The following CDH4 variants were observed in gnomAD, a reference collection of about 807,000 sequenced individuals.
CDH4 encodes cadherin-4.
CDH4 carries 33 observed loss-of-function variants against 86.0 expected under a neutral mutation model. That is an observed-to-expected ratio of 0.38 (90% CI 0.29 to 0.51). The LOEUF (loss-of-function observed/expected upper bound fraction) is 0.51, where lower values mean the gene tolerates loss of function less well. Ranked by LOEUF, CDH4 falls within the 20% of genes least tolerant of loss-of-function variation. The pLI is 0.86. For missense variants in CDH4, 1,114 were observed against 1,307.4 expected (o/e 0.85, Z 2.28); for synonymous variants, 555 against 549.4 (o/e 1.01, Z -0.14).
chr20:61,599,158 G>T (rs2086579082), intron 2 of CDH4, among the ~76,000 whole-genome samples: 1 of 152,138 alleles, frequency 6.6e-6, no homozygotes, highest in Admixed American at 6.5e-5. Context: ...GCCCCTAGAG[G>T]TCGCTCTTGG....
At chr20:61,647,811 G>C (rs901535094) in intron 2 of CDH4, among the ~76,000 whole-genome samples, 2 of 152,170 alleles carry the variant, frequency 1.3e-5, no homozygotes, top group Non-Finnish European at 1.5e-5. Context: ...GCTTAGGACA[G>C]TACAGCAATG....
chr20:61,488,116 G>C (rs566192756), intron 2 of CDH4, among the ~76,000 whole-genome samples: 13 of 152,316 alleles, frequency 8.5e-5, no homozygotes, highest in Non-Finnish European at 1.6e-4. Flanking sequence ...ATCATGGCCA[G>C]TCTTGACCTA....
intron 2 of CDH4, among the ~76,000 whole-genome samples, chr20:61,589,534 T>C (rs1273684119): frequency 1.3e-5 from 2 of 152,180 alleles, no homozygotes; most frequent in East Asian, 3.8e-4. Flanking sequence ...ACAAGTGGCA[T>C]GCAGAAAAAC....
chr20:61,651,557 A>C (rs2087121045), intron 2 of CDH4, among the ~76,000 whole-genome samples: 1 of 151,902 alleles, frequency 6.6e-6, no homozygotes. Flanking sequence ...TGTGGGTTGG[A>C]CTCACACCTG....
chr20:61,851,713 C>T (rs1982734079), intron 5 of CDH4, among the ~76,000 whole-genome samples: 1 of 152,190 alleles, frequency 6.6e-6, no homozygotes, highest in African/African-American at 2.4e-5. Flanking sequence ...CAGCAGCCCC[C>T]TCGCCTGCCG....
rs970611323 is a variant in CDH4 at position 61,902,464 on chromosome 20, G to A, written c.1188+7417G>A. Among the ~76,000 whole-genome samples the A allele has an allele frequency of 2.0e-5, 3 of 152,390 alleles. No individual in the cohort carries two copies. The highest frequency in any genetic ancestry group is 4.4e-5 in the Non-Finnish European group (3 of 68,042). ...TGCAAGGGCAGATCCACAGAGGAGC[G>A]TGCGGGGCCCCACCTTCCCAGGGAT... On this transcript the variant is annotated intron_variant, in intron 8 of 15. Coordinates refer to ENST00000614565, the MANE Select transcript of CDH4 (RefSeq NM_001794.5). The surrounding 1 kb of genome is among the most constrained non-coding windows in gnomAD (Gnocchi z 4.6).
rs1472385082 is a variant in CDH4, at chr20:61,252,466, G to T, written c.-48G>T. The T allele has an allele frequency of 2.0e-6, 2 of 1,005,380 alleles. No individual in the cohort carries two copies. The highest frequency in any genetic ancestry group is 2.4e-6 in the Non-Finnish European group (2 of 824,508). The allele number at this position is 1,005,380 out of a possible 1,614,324, so 62.3% of individuals were successfully genotyped here. On this transcript the variant is annotated 5_prime_UTR_variant, in exon 1 of 16. Transcript: ENST00000614565. This position sits in a 1 kb window ranked among gnomAD's most constrained non-coding sequence, Gnocchi z 4.4. ...CTCGGCGGCGGCGGCGGCGGCGGCG[G>T]CAGGGAGCGGGCTCCCGGTGCCGGG...
At chr20:61,830,872 G>A (rs568264206) in intron 4 of CDH4, among the ~76,000 whole-genome samples, 5 of 152,210 alleles carry the variant, frequency 3.3e-5, no homozygotes, top group East Asian at 1.9e-4. Context: ...GCCCACCTCC[G>A]CTCCTCTCTC....
intron 2 of CDH4, among the ~76,000 whole-genome samples, chr20:61,383,927 G>C (rs1045279650): frequency 1.3e-4 from 19 of 151,502 alleles, no homozygotes; most frequent in African/African-American, 3.4e-4. Context: ...CAATCACGAG[G>C]TCCCACAATA....
intron 2 of CDH4, among the ~76,000 whole-genome samples, chr20:61,497,885 G>C (rs2085673563): frequency 6.6e-6 from 1 of 151,902 alleles, no homozygotes. Context: ...CCATAAAAAA[G>C]GATGCGTTCA....
In CDH4 at chr20:61,861,158, C is replaced by T. The variant is rs770128355; in HGVS notation, c.877+8260C>T. 4.6e-5 allele frequency among the ~76,000 whole-genome samples: 7 copies of T among 152,194 alleles called. No homozygotes were observed. In the East Asian group the frequency reaches 9.6e-4, roughly 21 times the overall value. ...GGACGTGGGCTCCGCTGGTCTCCACCGACGATCCCTGCTTCTCTGCACCCA... is the reference window on the plus strand; with the variant it reads ...GGACGTGGGCTCCGCTGGTCTCCACTGACGATCCCTGCTTCTCTGCACCCA... On this transcript the variant is annotated intron_variant, in intron 6 of 15. Transcript: ENST00000614565.
chr20:61,314,252 C>T lies in CDH4; in HGVS notation c.169+59315C>T, dbSNP rs1363426545. On this transcript the variant is annotated intron_variant, in intron 2 of 15. Transcript: ENST00000614565. ...CCATCTTAGAACTGAAACTTTGTCC[C>T]CTTTGACCAACAGCTCCCCTCTCCC... Among the ~76,000 whole-genome samples, 3 of 152,202 alleles carry T rather than the reference C, an allele frequency of 2.0e-5. No individual in the cohort carries two copies. The East Asian group carries it at 5.8e-4, about 29-fold the overall frequency.
chr20:61,360,927 CA>C (rs1427936866), intron 2 of CDH4, among the ~76,000 whole-genome samples: 21 of 152,062 alleles, frequency 1.4e-4, no homozygotes, highest in African/African-American at 5.1e-4. Flanking sequence ...GAGAGGCAAA[CA>C]AAAGGAACAG....
At chr20:61,824,854 G>T (rs1601026694) in intron 4 of CDH4, among the ~76,000 whole-genome samples, 1 of 152,282 alleles carries the variant, frequency 6.6e-6, no homozygotes, top group Admixed American at 6.5e-5. Flanking sequence ...CTCCTCCTAA[G>T]ACCACAAAGT....
At chr20:61,281,973 C>G (rs1213697518) in intron 2 of CDH4, among the ~76,000 whole-genome samples, 2 of 152,188 alleles carry the variant, frequency 1.3e-5, no homozygotes, top group African/African-American at 4.8e-5. Context: ...CAGCAGCACA[C>G]TGGGGGTTGG....
chr20:61,732,824 C>A (rs8116717), intron 2 of CDH4, among the ~76,000 whole-genome samples: 12,374 of 152,220 alleles, frequency 0.081, 973 homozygotes, highest in African/African-American at 0.2. Flanking sequence ...TGGAGATGAG[C>A]CCCCCACCCC....
At chr20:61,877,912 A>C (rs1322265875) in intron 7 of CDH4, among the ~76,000 whole-genome samples, 1 of 152,052 alleles carries the variant, frequency 6.6e-6, no homozygotes, top group Non-Finnish European at 1.5e-5. Context: ...TTTGGCTGGG[A>C]GGACCCCCAG....
intron 2 of CDH4, among the ~76,000 whole-genome samples, chr20:61,336,904 A>G (rs948155640): frequency 5.9e-5 from 9 of 152,134 alleles, no homozygotes; most frequent in African/African-American, 2.2e-4. Context: ...AGGGGAAAGC[A>G]ATGACTGGGG....
intron 2 of CDH4, among the ~76,000 whole-genome samples, chr20:61,694,841 C>A (rs568234088): frequency 6.6e-6 from 1 of 152,192 alleles, no homozygotes; most frequent in African/African-American, 2.4e-5. Flanking sequence ...CTCTGCCGAG[C>A]GCTGGCGATA....
Sources: allele counts gnomAD v4.1 joint callset (sites outside exome capture counted in the v4.1 genomes callset), GRCh38; gene constraint gnomAD v4.1.1; non-coding constraint Gnocchi (gnomAD v3.1); transcripts MANE v1.5; gene names NCBI Gene and HGNC (gene_info 2026-07-23, HGNC 2026-07-21).